DLG2: variants seen among roughly 807,000 people sequenced by gnomAD.
DLG2 encodes the protein disks large homolog 2.
In DLG2, 45 loss-of-function variants were observed where a neutral mutation model predicts 132.5. The observed-to-expected ratio is 0.34, with a 90% confidence interval of 0.27 to 0.44. DLG2 has a LOEUF of 0.44. Ranked by LOEUF, DLG2 falls within the 20% of genes least tolerant of loss-of-function variation. The pLI is 1.00. For missense variants in DLG2, 1,045 were observed against 1,196.9 expected (o/e 0.87, Z 1.87); for synonymous variants, 424 against 419.6 (o/e 1.01, Z -0.13).
intron 3 of DLG2, among the ~76,000 whole-genome samples, chr11:85,569,001 T>G (rs1590874949): frequency 6.6e-6 from 1 of 152,066 alleles, no homozygotes; most frequent in Admixed American, 6.6e-5. Flanking sequence ...GATTGGGTCA[T>G]TTATTTGAGA....
chr11:85,442,214 A>T (rs1385465290), intron 3 of DLG2, among the ~76,000 whole-genome samples: 1 of 152,210 alleles, frequency 6.6e-6, no homozygotes, highest in East Asian at 1.9e-4. Context: ...AAATGACATG[A>T]TCAAACTTAC....
chr11:84,747,871 C>A (rs1341263080), intron 6 of DLG2, among the ~76,000 whole-genome samples: 1 of 152,138 alleles, frequency 6.6e-6, no homozygotes, highest in Non-Finnish European at 1.5e-5. Context: ...GACAACAAAA[C>A]AGAATAGAAA....
chr11:85,047,148 C>T (rs151188441), intron 6 of DLG2, among the ~76,000 whole-genome samples: 12 of 151,984 alleles, frequency 7.9e-5, no homozygotes, highest in African/African-American at 2.2e-4. Flanking sequence ...ATTTTATGAT[C>T]AGGGAAATTA....
At chr11:84,252,830 A>G (rs2097406131) in intron 7 of DLG2, among the ~76,000 whole-genome samples, 1 of 152,220 alleles carries the variant, frequency 6.6e-6, no homozygotes, top group African/African-American at 2.4e-5. Context: ...CTTGATTAAT[A>G]GAGAACTCTT....
chr11:85,454,610 C>A lies in DLG2; in HGVS notation c.40+144047G>T, dbSNP rs2092359873. Among the ~76,000 whole-genome samples, 3 of 152,070 alleles carry A rather than the reference C, an allele frequency of 2.0e-5. No homozygotes were observed. The South Asian group carries it at 6.2e-4, about 31-fold the overall frequency. The stretch of plus-strand genomic sequence containing the variant: ...CATTGTCATGAAATCTTTGCCAGGT[C>A]CTATGTCCAGAATGGTATTTCCTAG... On this transcript the variant is annotated intron_variant, in intron 3 of 27. Transcript: ENST00000376104.
intron 18 of DLG2, among the ~76,000 whole-genome samples, chr11:83,705,246 A>T (rs564670287): frequency 6.6e-6 from 1 of 152,310 alleles, no homozygotes; most frequent in Non-Finnish European, 1.5e-5. Flanking sequence ...CAATGTAAAA[A>T]AATTATTTTG....
intron 6 of DLG2, among the ~76,000 whole-genome samples, chr11:84,620,285 A>G (rs2099611635): frequency 6.6e-6 from 1 of 151,854 alleles, no homozygotes; most frequent in Admixed American, 6.6e-5. Flanking sequence ...TATTTGGAAA[A>G]TAAGAATACA....
intron 6 of DLG2, among the ~76,000 whole-genome samples, chr11:84,753,343 G>C (rs1460933486): frequency 6.6e-6 from 1 of 152,146 alleles, no homozygotes; most frequent in East Asian, 1.9e-4. Flanking sequence ...AAATCCCATA[G>C]TGTAGGTGAG....
intron 4 of DLG2, among the ~76,000 whole-genome samples, chr11:85,261,876 GAGA>G (rs896474781): frequency 2.0e-5 from 3 of 152,164 alleles, no homozygotes; most frequent in African/African-American, 4.8e-5. Flanking sequence ...GAAGGTGAGG[GAGA>G]AGGAGTAGAT....
intron 19 of DLG2, among the ~76,000 whole-genome samples, chr11:83,626,897 C>T (rs1239491563): frequency 6.6e-6 from 1 of 152,076 alleles, no homozygotes; most frequent in Non-Finnish European, 1.5e-5. Context: ...GAATGCTGGC[C>T]ATCTCCTTCA....
intron 11 of DLG2, among the ~76,000 whole-genome samples, chr11:84,031,752 C>G (rs1466924083): frequency 6.6e-6 from 1 of 152,132 alleles, no homozygotes; most frequent in African/African-American, 2.4e-5. Context: ...TTGCCCTTCT[C>G]TTTAGTATAC....
At chr11:84,175,635 T>C (rs891397157) in intron 8 of DLG2, among the ~76,000 whole-genome samples, 5 of 152,150 alleles carry the variant, frequency 3.3e-5, no homozygotes, top group African/African-American at 1.2e-4. Flanking sequence ...ATTGAGTGAC[T>C]ACCCCCACCT....
intron 18 of DLG2, among the ~76,000 whole-genome samples, chr11:83,757,228 G>C (rs531308475): frequency 6.6e-6 from 1 of 152,328 alleles, no homozygotes; most frequent in East Asian, 1.9e-4. Context: ...GACAGAGTTG[G>C]AATTCAGAGG....
chr11:84,225,330 A>T (rs2096975534), intron 8 of DLG2, among the ~76,000 whole-genome samples: 1 of 152,228 alleles, frequency 6.6e-6, no homozygotes, highest in Non-Finnish European at 1.5e-5. Flanking sequence ...ATACTGTACA[A>T]CAGAGATTAT....
At position 84,424,558 on chromosome 11, in the gene DLG2, G is replaced by A. The variant is rs150412057; in HGVS notation, c.519+110012C>T. Among the ~76,000 whole-genome samples, 325 of 152,150 alleles carry A rather than the reference G, an allele frequency of 2.1e-3. 6 individuals are homozygous for A. Among genetic ancestry groups the A allele is most frequent in the Admixed American group, 0.02 (312 of 15,262 alleles). ...TCATTTTATAGATGAGGAAGCACAC[G>A]AGGTTTAAGTAACTTGCTCAAAGTT... On this transcript the variant is annotated intron_variant, in intron 7 of 27. Coordinates refer to ENST00000376104, the MANE Select transcript of DLG2 (RefSeq NM_001142699.3).
chr11:84,033,995 C>T (rs1306063072), intron 11 of DLG2, among the ~76,000 whole-genome samples: 3 of 152,144 alleles, frequency 2.0e-5, no homozygotes, highest in South Asian at 2.1e-4. Context: ...GCAGGAGAAT[C>T]GCTTGAACCC....
intron 3 of DLG2, among the ~76,000 whole-genome samples, chr11:85,423,248 G>A (rs1017145703): frequency 1.3e-5 from 2 of 152,160 alleles, no homozygotes; most frequent in African/African-American, 4.8e-5. Flanking sequence ...ACCAAGTACT[G>A]AGGCTTGTCT....
chr11:83,551,027 T>C (rs541133), intron 19 of DLG2, among the ~76,000 whole-genome samples: 105,840 of 152,062 alleles, frequency 0.7, 37,173 homozygotes, highest in African/African-American at 0.78. Flanking sequence ...GATCATGAGA[T>C]GGTAAACTCA....
intron 21 of DLG2, among the ~76,000 whole-genome samples, chr11:83,513,664 CTAACA>C (rs889037830): frequency 6.6e-6 from 1 of 152,136 alleles, no homozygotes; most frequent in African/African-American, 2.4e-5. Context: ...GGTTTTAGAT[CTAACA>C]TTTAAGTCTT....
Sources: allele counts gnomAD v4.1 joint callset (sites outside exome capture counted in the v4.1 genomes callset), GRCh38; gene constraint gnomAD v4.1.1; transcripts MANE v1.5; gene names NCBI Gene and HGNC (gene_info 2026-07-23, HGNC 2026-07-21).